FANCL: variants seen among roughly 807,000 people sequenced by gnomAD.
The protein encoded by FANCL is FA complementation group L, also known as E3 ubiquitin-protein ligase FANCL.
FANCL carries 69 observed loss-of-function variants against 59.4 expected under a neutral mutation model. The ratio of observed to expected loss-of-function variants is 1.16; its 90% CI spans 0.96 to 1.42. FANCL has a LOEUF of 1.42. FANCL is among the 40% of genes most tolerant of loss of function. The pLI is 0.00. For synonymous variants in FANCL, 180 were observed against 147.1 expected (o/e 1.22, Z -1.62); for missense variants, 519 against 447.2 (o/e 1.16, Z -1.45).
intron 7 of FANCL, among the ~76,000 whole-genome samples, chr2:58,192,040 A>AT (rs1688976479): frequency 6.6e-6 from 1 of 151,976 alleles, no homozygotes; most frequent in African/African-American, 2.4e-5. Context: ...GGCTGAGCAG[A>AT]TATGAAGCCT....
At chr2:58,191,517 T>C (rs1278155685) in intron 7 of FANCL, among the ~76,000 whole-genome samples, 3 of 151,888 alleles carry the variant, frequency 2.0e-5, no homozygotes, top group Non-Finnish European at 2.9e-5. Context: ...AATGTATATG[T>C]AGTCACCTTC....
At chr2:58,170,929 G>A (rs1686538074) in intron 7 of FANCL, among the ~76,000 whole-genome samples, 1 of 152,106 alleles carries the variant, frequency 6.6e-6, no homozygotes, top group Non-Finnish European at 1.5e-5. Context: ...AATAGTGGGA[G>A]ACTGTAACAC....
chr2:58,229,773 T>C (rs1693392142), intron 3 of FANCL, 41 bp downstream of exon 3: 2 of 1,408,300 alleles, frequency 1.4e-6, no homozygotes, highest in Non-Finnish European at 1.0e-6. Flanking sequence ...TAGTAATTTC[T>C]TATCTTCACT....
At chr2:58,211,661 C>T (rs1476642518) in intron 5 of FANCL, among the ~76,000 whole-genome samples, 1 of 150,632 alleles carries the variant, frequency 6.6e-6, no homozygotes, top group Admixed American at 6.6e-5. Flanking sequence ...TTAATAGCAC[C>T]CAAGTCACCT....
chr2:58,176,315 T>G (rs553443028), intron 7 of FANCL, among the ~76,000 whole-genome samples: 1 of 152,168 alleles, frequency 6.6e-6, no homozygotes, highest in East Asian at 1.9e-4. Context: ...AGAGCCCGCA[T>G]CGCCAAGTCA....
At chr2:58,225,470 C>A (rs1416333019) in intron 4 of FANCL, among the ~76,000 whole-genome samples, 8 of 151,882 alleles carry the variant, frequency 5.3e-5, no homozygotes, top group Non-Finnish European at 7.4e-5. Context: ...ACATTAGATA[C>A]AGGCAATGAT....
At chr2:58,169,158 C>T (rs1686268888) in intron 7 of FANCL, among the ~76,000 whole-genome samples, 1 of 152,130 alleles carries the variant, frequency 6.6e-6, no homozygotes, top group African/African-American at 2.4e-5. Flanking sequence ...AGGAGAGCTC[C>T]AGCTGGCATC....
chr2:58,209,818 G>T (rs370624007), intron 5 of FANCL, among the ~76,000 whole-genome samples: 4 of 152,238 alleles, frequency 2.6e-5, no homozygotes, highest in Admixed American at 6.5e-5. Context: ...GTATGAACAA[G>T]GATCTCCATT....
chr2:58,178,381 C>A (rs1464753893), intron 7 of FANCL, among the ~76,000 whole-genome samples: 1 of 152,068 alleles, frequency 6.6e-6, no homozygotes, highest in Non-Finnish European at 1.5e-5. Context: ...AGCTTATCTA[C>A]CACGATCAAG....
intron 7 of FANCL, among the ~76,000 whole-genome samples, chr2:58,181,414 G>A (rs113506246): frequency 3.5e-3 from 529 of 152,114 alleles, no homozygotes; most frequent in Non-Finnish European, 5.8e-3. Flanking sequence ...ACCCTGTGAT[G>A]TTAATAATGT....
intron 5 of FANCL, among the ~76,000 whole-genome samples, chr2:58,212,071 T>C (rs561590124): frequency 5.9e-5 from 9 of 152,168 alleles, no homozygotes; most frequent in South Asian, 2.1e-4. Flanking sequence ...ACTGTATTAG[T>C]CTGTTTTCAT....
intron 5 of FANCL, among the ~76,000 whole-genome samples, chr2:58,219,124 G>A (rs1573763842): frequency 1.7e-5 from 1 of 57,554 alleles, no homozygotes; most frequent in African/African-American, 6.2e-5. Context: ...TTCAGTGCCA[G>A]AAAGTAAATA....
chr2:58,194,750 T>A (rs147510451), intron 7 of FANCL, among the ~76,000 whole-genome samples: 2 of 151,830 alleles, frequency 1.3e-5, no homozygotes, highest in Non-Finnish European at 2.9e-5. Context: ...CAGCTTGACA[T>A]TGTGCAAGTT....
chr2:58,172,894 A>T (rs1484746044), intron 7 of FANCL, among the ~76,000 whole-genome samples: 2 of 152,192 alleles, frequency 1.3e-5, no homozygotes, highest in African/African-American at 2.4e-5. Context: ...TTTGAAAAAA[A>T]TTTAGACGAA....
intron 4 of FANCL, among the ~76,000 whole-genome samples, chr2:58,224,010 C>T (rs1461925470): frequency 3.3e-5 from 5 of 151,782 alleles, no homozygotes; most frequent in South Asian, 2.1e-4. Context: ...CAAATTTGTC[C>T]GTAATTTCTG....
intron 7 of FANCL, among the ~76,000 whole-genome samples, chr2:58,169,489 A>G (rs530685003): frequency 1.3e-5 from 2 of 152,120 alleles, no homozygotes; most frequent in South Asian, 4.2e-4. Context: ...AAACCAGAAC[A>G]CCTTTTCTCC....
intron 7 of FANCL, among the ~76,000 whole-genome samples, chr2:58,181,588 C>T (rs573837485): frequency 6.6e-6 from 1 of 151,912 alleles, no homozygotes; most frequent in South Asian, 2.1e-4. Flanking sequence ...CAGATACCTG[C>T]AAGTTACTTT....
intron 7 of FANCL, among the ~76,000 whole-genome samples, chr2:58,188,774 A>C (rs1448343621): frequency 6.6e-6 from 1 of 151,926 alleles, no homozygotes; most frequent in Non-Finnish European, 1.5e-5. Flanking sequence ...AGGAAGGAAA[A>C]AAAAAAAAAG....
chr2:58,172,349 G>A (rs780035489), intron 7 of FANCL, among the ~76,000 whole-genome samples: 21 of 152,178 alleles, frequency 1.4e-4, no homozygotes, highest in African/African-American at 4.1e-4. Context: ...GGGAGGCACC[G>A]CCCAGTAGGG....
Sources: allele counts gnomAD v4.1 joint callset (sites outside exome capture counted in the v4.1 genomes callset), GRCh38; gene constraint gnomAD v4.1.1; transcripts MANE v1.5; gene names NCBI Gene and HGNC (gene_info 2026-07-23, HGNC 2026-07-21).